The following GULP1 variants were observed in gnomAD, a reference collection of about 807,000 sequenced individuals.
GULP1 encodes the protein PTB domain-containing engulfment adapter protein 1.
In GULP1, 19 loss-of-function variants were observed where a neutral mutation model predicts 40.9. The ratio of observed to expected loss-of-function variants is 0.46; its 90% CI spans 0.32 to 0.68. The LOEUF is 0.68. Ranked by LOEUF, GULP1 falls within the 30% of genes least tolerant of loss-of-function variation. GULP1 has a pLI of 0.03. For synonymous variants in GULP1, 119 were observed against 117.6 expected, an observed-to-expected ratio of 1.01 and a Z score of -0.08; for missense variants, 312 against 362.2, an observed-to-expected ratio of 0.86 and a Z score of 1.12.
intron 11 of GULP1, chr2:188,588,193 T>A: frequency 2.1e-6 from 1 of 476,332 alleles, no homozygotes; most frequent in Non-Finnish European, 3.9e-6. Flanking sequence ...GTTCATTTTT[T>A]AAATACAAAA....
At chr2:188,454,629 A>G (rs1054289289) in intron 2 of GULP1, among the ~76,000 whole-genome samples, 7 of 152,200 alleles carry the variant, frequency 4.6e-5, no homozygotes, top group Admixed American at 2.0e-4. Flanking sequence ...CAGGATCAAA[A>G]GGGTCTAATT....
At chr2:188,423,919 A>G (rs2055804010) in intron 2 of GULP1, among the ~76,000 whole-genome samples, 2 of 151,878 alleles carry the variant, frequency 1.3e-5, no homozygotes, top group Admixed American at 6.6e-5. Context: ...ACACACACAT[A>G]CATACTAGAC....
At chr2:188,506,171 T>C (rs1056736386) in intron 4 of GULP1, among the ~76,000 whole-genome samples, 1 of 151,918 alleles carries the variant, frequency 6.6e-6, no homozygotes, top group Non-Finnish European at 1.5e-5. Flanking sequence ...TTTTGTCTTT[T>C]AATTTTAACT....
At chr2:188,548,559 A>G (rs1054291607) in intron 7 of GULP1, among the ~76,000 whole-genome samples, 1 of 152,112 alleles carries the variant, frequency 6.6e-6, no homozygotes, top group African/African-American at 2.4e-5. Context: ...GTTTGTAGAT[A>G]TAGACAAGAC....
chr2:188,416,815 T>A (rs2054645860), intron 2 of GULP1, among the ~76,000 whole-genome samples: 1 of 152,208 alleles, frequency 6.6e-6, no homozygotes, highest in Non-Finnish European at 1.5e-5. Flanking sequence ...CACAAAACAC[T>A]TACTGAGTTT....
chr2:188,324,034 C>G lies in GULP1; in HGVS notation c.-172+31868C>G, dbSNP rs192870982. On this transcript the variant is annotated intron_variant, in intron 1 of 11. Transcript: ENST00000409830. Reference sequence around the variant, plus strand: ...ATATACTAATTTGCTTTTATGCCTTCTTATATTTTCAAAACCATGTGCTTA... The same window carrying G: ...ATATACTAATTTGCTTTTATGCCTTGTTATATTTTCAAAACCATGTGCTTA... Among the ~76,000 whole-genome samples the G allele has an allele frequency of 4.5e-3, 660 of 145,546 alleles. 5 individuals are homozygous for G. Among genetic ancestry groups the G allele is most frequent in the African/African-American group, 0.018 (623 of 35,384 alleles).
chr2:188,541,490 C>G lies in GULP1; in HGVS notation c.399+172C>G. 4.4e-6 allele frequency: 3 copies of G among 677,790 alleles called. 1 individual carries two copies. The South Asian group carries it at 5.0e-5, about 11-fold the overall frequency. The allele number at this position is 677,790 out of a possible 1,614,324, so 42.0% of individuals were successfully genotyped here. ...AGATTTATTTTGTCATGAGAATATG[C>G]TTCAGGATTTCATCTGTAACTAAAT... is the stretch of plus-strand genomic sequence containing the variant. On this transcript the variant is annotated intron_variant, in intron 7 of 11. Coordinates refer to ENST00000409830, the MANE Select transcript of GULP1 (RefSeq NM_016315.4).
intron 6 of GULP1, among the ~76,000 whole-genome samples, chr2:188,532,954 G>C (rs1022546823): frequency 6.6e-6 from 1 of 151,954 alleles, no homozygotes; most frequent in Admixed American, 6.6e-5. Context: ...TATGTGAAAA[G>C]CTCTTTTAAA....
At chr2:188,565,827 A>T (rs1375210103) in intron 7 of GULP1, among the ~76,000 whole-genome samples, 1 of 152,160 alleles carries the variant, frequency 6.6e-6, no homozygotes, top group South Asian at 2.1e-4. Flanking sequence ...TATTTGTAAC[A>T]TGAAATGCTA....
chr2:188,477,857 G>A, intron 3 of GULP1, 127 bp downstream of exon 3: 1 of 674,568 alleles, frequency 1.5e-6, no homozygotes, highest in Non-Finnish European at 2.5e-6. Flanking sequence ...TTAGATTAGA[G>A]CAACACAAAT....
At chr2:188,584,482 T>A (rs911742488) in intron 10 of GULP1, 79 bp downstream of exon 10, 24 of 646,492 alleles carry the variant, frequency 3.7e-5, no homozygotes, top group Non-Finnish European at 5.7e-5. Flanking sequence ...TTGTGGGAAA[T>A]TACATATCTT....
Position 188,338,759 on chromosome 2 carries a change from A to G in GULP1, c.-171-45004A>G, listed in dbSNP as rs577821259. On this transcript the variant is annotated intron_variant, in intron 1 of 11. Coordinates refer to ENST00000409830, the MANE Select transcript of GULP1 (RefSeq NM_016315.4). Reference sequence around the variant, plus strand: ...ACAAGAGTAAGGTGAAAATGTGTTTATAATTTTCACCACTCCCATCTGTCC... The same window carrying G: ...ACAAGAGTAAGGTGAAAATGTGTTTGTAATTTTCACCACTCCCATCTGTCC... Among the ~76,000 whole-genome samples, 7 of 152,300 alleles carry G rather than the reference A, an allele frequency of 4.6e-5. No homozygotes were observed. The East Asian group carries it at 9.7e-4, about 21-fold the overall frequency.
intron 6 of GULP1, among the ~76,000 whole-genome samples, chr2:188,537,423 C>T (rs889632463): frequency 1.3e-5 from 2 of 151,972 alleles, no homozygotes; most frequent in Non-Finnish European, 2.9e-5. Flanking sequence ...AAGGCTTTTT[C>T]GACTTCTGTT....
At chr2:188,583,425 A>C (rs1017994447) in intron 9 of GULP1, among the ~76,000 whole-genome samples, 2 of 152,210 alleles carry the variant, frequency 1.3e-5, no homozygotes, top group Non-Finnish European at 2.9e-5. Flanking sequence ...TATTCCCCCA[A>C]AATGGAAATT....
At chr2:188,470,481 T>A (rs768745352) in intron 2 of GULP1, among the ~76,000 whole-genome samples, 5 of 152,142 alleles carry the variant, frequency 3.3e-5, no homozygotes, top group Non-Finnish European at 7.4e-5. Flanking sequence ...CTTGTTTTCC[T>A]AATTTTTAAG....
chr2:188,568,498 A>C (rs145001120), intron 7 of GULP1, among the ~76,000 whole-genome samples: 1 of 152,222 alleles, frequency 6.6e-6, no homozygotes, highest in African/African-American at 2.4e-5. Context: ...AATAGATCTG[A>C]GATTGTAAGT....
intron 1 of GULP1, among the ~76,000 whole-genome samples, chr2:188,303,202 G>A (rs2036453064): frequency 6.6e-6 from 1 of 152,154 alleles, no homozygotes; most frequent in African/African-American, 2.4e-5. Context: ...TTTTTGTAAT[G>A]TGCTCTAATC....
chr2:188,566,200 G>T (rs1697611921), intron 7 of GULP1, among the ~76,000 whole-genome samples: 1 of 152,034 alleles, frequency 6.6e-6, no homozygotes, highest in Non-Finnish European at 1.5e-5. Context: ...CAGAAATCTG[G>T]ATTTAAATTC....
At chr2:188,469,503 T>G (rs1008215024) in intron 2 of GULP1, among the ~76,000 whole-genome samples, 11 of 152,148 alleles carry the variant, frequency 7.2e-5, no homozygotes, top group Non-Finnish European at 1.3e-4. Flanking sequence ...TAGTGGTTTC[T>G]GCTTCTGGGG....
Sources: allele counts gnomAD v4.1 joint callset (sites outside exome capture counted in the v4.1 genomes callset), GRCh38; gene constraint gnomAD v4.1.1; transcripts MANE v1.5; gene names NCBI Gene and HGNC (gene_info 2026-07-23, HGNC 2026-07-21).